The following SPDYA variants were observed in gnomAD, a reference collection of about 807,000 sequenced individuals.
SPDYA encodes speedy protein A.
In SPDYA, 11 loss-of-function variants were observed where a neutral mutation model predicts 36.7. The ratio of observed to expected loss-of-function variants is 0.30; its 90% confidence interval spans 0.19 to 0.50. SPDYA has a LOEUF of 0.50. SPDYA is among the 20% of genes least tolerant of loss of function. The pLI, the probability that SPDYA is intolerant of heterozygous loss-of-function variation, is 0.98. For missense variants in SPDYA, 287 were observed against 370.9 expected, an observed-to-expected ratio of 0.77 and a Z score of 1.86; for synonymous variants, 115 against 118.7, an observed-to-expected ratio of 0.97 and a Z score of 0.20.
chr2:28,825,675 G>C (rs1668299192), intron 5 of SPDYA, among the ~76,000 whole-genome samples: 2 of 151,836 alleles, frequency 1.3e-5, no homozygotes, highest in African/African-American at 4.8e-5. Context: ...TTAATTGTAG[G>C]CTCCTTATGG....
intron 3 of SPDYA, among the ~76,000 whole-genome samples, chr2:28,816,888 A>T (rs1283450350): frequency 1.3e-5 from 2 of 151,790 alleles, no homozygotes; most frequent in African/African-American, 4.8e-5. Flanking sequence ...GTAGGGTAAT[A>T]AGGTAAACAG....
chr2:28,821,186 TTTTTC>T lies in SPDYA; in HGVS notation c.295-1134_295-1130del, dbSNP rs1386134721. On this transcript the variant is annotated intron_variant, in intron 4 of 7. Transcript: ENST00000334056. ...TGTGGAGTTATGATGTGATTTTTTT[TTTTTC>T]TTTTTCTTTTTTTTTTTTTTTTTTT... is the stretch of plus-strand genomic sequence containing the variant. Among the ~76,000 whole-genome samples the T allele has an allele frequency of 2.0e-3, 286 of 144,726 alleles. 1 individual carries two copies. The highest frequency in any genetic ancestry group is 7.0e-3 in the African/African-American group (273 of 39,176). 94.9% of individuals were successfully genotyped at this position (144,726 alleles called of 152,430 possible).
At chr2:28,815,344 CAG>C (rs1189019162) in intron 2 of SPDYA, among the ~76,000 whole-genome samples, 1 of 148,446 alleles carries the variant, frequency 6.7e-6, no homozygotes, top group Admixed American at 6.7e-5. Context: ...AAAAGGAAAA[CAG>C]AAAAGTAAGT....
At chr2:28,816,389 T>C (rs961387699) in intron 3 of SPDYA, 140 bp downstream of exon 3, 60 of 688,906 alleles carry the variant, frequency 8.7e-5, no homozygotes, top group Non-Finnish European at 1.3e-4. Flanking sequence ...AATTTGTTTT[T>C]GTTTTACTTA....
rs796384971 is a variant in SPDYA, at chr2:28,828,135, G to A, written c.381-1013G>A. ...CCAAGTAGCTGGGATTACAGGCGCA[G>A]GCCACCACGCCCAGCTAATGTTTGT... is the stretch of plus-strand genomic sequence containing the variant. On this transcript the variant is annotated intron_variant, in intron 5 of 7. Transcript: ENST00000334056. Among the ~76,000 whole-genome samples the A allele has an allele frequency of 7.6e-4, 115 of 151,848 alleles. 1 individual carries two copies. The highest frequency in any genetic ancestry group is 2.7e-3 in the African/African-American group (110 of 41,436).
intron 7 of SPDYA, among the ~76,000 whole-genome samples, chr2:28,843,985 C>G (rs1466378082): frequency 6.6e-6 from 1 of 152,070 alleles, no homozygotes; most frequent in African/African-American, 2.4e-5. Flanking sequence ...AAAAATATGC[C>G]AAGCTTTAGC....
rs140062820 is a variant in SPDYA at position 28,842,976 on chromosome 2, T to C, written c.850+2507T>C. On this transcript the variant is annotated intron_variant, in intron 7 of 7. Coordinates refer to ENST00000334056, the MANE Select transcript of SPDYA (RefSeq NM_182756.4). The stretch of plus-strand genomic sequence containing the variant: ...TCTGATAGTATGTGGTTGCAAAAAC[T>C]GAATTCAGCATTCTCCAAGAAAGAC... Among the ~76,000 whole-genome samples the C allele has an allele frequency of 1.3e-3, 170 of 134,268 alleles. 1 individual carries two copies. Among genetic ancestry groups the C allele is most frequent in the African/African-American group, 4.5e-3 (159 of 35,496 alleles). 88.1% of individuals were successfully genotyped at this position (134,268 alleles called of 152,430 possible). A position where few individuals can be genotyped will look rare whatever the true frequency, so the allele number is the denominator to read the frequency against.
At chr2:28,835,671 A>C (rs1339206212) in intron 6 of SPDYA, among the ~76,000 whole-genome samples, 1 of 152,266 alleles carries the variant, frequency 6.6e-6, no homozygotes, top group Non-Finnish European at 1.5e-5. Flanking sequence ...ATAGGGAAAC[A>C]ATAAACTATA....
chr2:28,812,244 T>C (rs951659400), intron 1 of SPDYA, among the ~76,000 whole-genome samples: 9 of 152,154 alleles, frequency 5.9e-5, no homozygotes, highest in Admixed American at 5.9e-4. Context: ...TGGCACATAT[T>C]CTCTGTGTGT....
At chr2:28,827,440 A>G (rs1200322111) in intron 5 of SPDYA, among the ~76,000 whole-genome samples, 2 of 152,144 alleles carry the variant, frequency 1.3e-5, no homozygotes, top group African/African-American at 4.8e-5. Flanking sequence ...TACTGGAAAT[A>G]GTTATTCTTA....
chr2:28,821,180 T>TTTC (rs201322824), intron 4 of SPDYA, among the ~76,000 whole-genome samples: 50 of 109,806 alleles, frequency 4.6e-4, no homozygotes, highest in African/African-American at 2.4e-3. Context: ...ATGATGTGAT[T>TTTC]TTTTTTTTTT....
intron 3 of SPDYA, among the ~76,000 whole-genome samples, chr2:28,816,914 A>G (rs1234321535): frequency 1.3e-5 from 2 of 151,918 alleles, no homozygotes; most frequent in East Asian, 1.9e-4. Context: ...AAAAAGGGGT[A>G]GGATAGATGA....
Position 28,830,045 on chromosome 2 carries a change from A to C in SPDYA, c.552+726A>C, listed in dbSNP as rs190848010. Among the ~76,000 whole-genome samples, 329 of 151,442 alleles carry C rather than the reference A, an allele frequency of 2.2e-3. 4 individuals carry two copies. Among genetic ancestry groups the C allele is most frequent in the Admixed American group, 0.015 (234 of 15,196 alleles). The stretch of plus-strand genomic sequence containing the variant: ...TCCCAGCTACTTGGGAGGCTGAGGC[A>C]GGAGAATCACTTAAACCCAGGAGGC... On this transcript the variant is annotated intron_variant, in intron 6 of 7. Transcript: ENST00000334056.
rs1667853917 is a variant in SPDYA at position 28,811,817 on chromosome 2, A to G, written c.-93+870A>G. On this transcript the variant is annotated intron_variant, in intron 1 of 7. Transcript: ENST00000334056. This position sits in a 1 kb window ranked among gnomAD's most constrained non-coding sequence, Gnocchi z 4.2. Reference sequence around the variant, plus strand: ...TAACTTAAAAAAAAAGTATCCTGGCATGGTGGCGGGCGCCTGTAATCCCAG... The same window carrying G: ...TAACTTAAAAAAAAAGTATCCTGGCGTGGTGGCGGGCGCCTGTAATCCCAG... Among the ~76,000 whole-genome samples the G allele has an allele frequency of 6.6e-6, 1 of 151,916 alleles. No individual in the cohort carries two copies. Among genetic ancestry groups the G allele is most frequent in the Non-Finnish European group, 1.5e-5 (1 of 67,976 alleles).
chr2:28,816,241 A>C lies in SPDYA; in HGVS notation c.227A>C (p.Lys76Thr). The stretch of plus-strand genomic sequence containing the variant: ...CGTCAGGATATGACTGCTTTCTTTA[A>C]ATTATTTGGTAGGTTTAAAATATTG... ...IQRQDMTAFF[K>T]LFDDDLIQDF... The change falls in exon 3 of 8, where the codon AAA becomes ACA. Residue 76 changes from lysine to threonine, a missense_variant. Physicochemically the swap from Lys to Thr is moderately conservative, Grantham distance 78. Coordinates refer to ENST00000334056, the MANE Select transcript of SPDYA (RefSeq NM_182756.4). 5.0e-6 allele frequency: 8 copies of C among 1,597,098 alleles called. No homozygotes were observed. Among genetic ancestry groups the C allele is most frequent in the Non-Finnish European group, 6.8e-6 (8 of 1,174,116 alleles).
intron 5 of SPDYA, among the ~76,000 whole-genome samples, chr2:28,824,487 AAAAAC>A (rs1371197776): frequency 6.3e-4 from 63 of 100,732 alleles, no homozygotes; most frequent in African/African-American, 2.4e-3. Context: ...AGAAAAAAAA[AAAAAC>A]AAAAAAAAAA....
At chr2:28,836,147 G>T (rs1418645328) in intron 6 of SPDYA, among the ~76,000 whole-genome samples, 1 of 152,190 alleles carries the variant, frequency 6.6e-6, no homozygotes, top group African/African-American at 2.4e-5. Flanking sequence ...AATAGCTGTG[G>T]GGGTGGTGGC....
Position 28,829,131 on chromosome 2 carries a change from G to C in SPDYA, c.381-17G>C. The C allele has an allele frequency of 6.3e-7, 1 of 1,598,384 alleles. No homozygotes were observed. Among genetic ancestry groups the C allele is most frequent in the South Asian group, 1.1e-5 (1 of 88,776 alleles). Reference sequence around the variant, plus strand: ...CCTTTACCCATTTCTTTTTTGGGTTGTGATCTTCTTTGTTAGGTATCTGGC... The same window carrying C: ...CCTTTACCCATTTCTTTTTTGGGTTCTGATCTTCTTTGTTAGGTATCTGGC... On this transcript the variant is annotated splice_polypyrimidine_tract_variant and intron_variant, in intron 5 of 7. Coordinates refer to ENST00000334056, the MANE Select transcript of SPDYA (RefSeq NM_182756.4).
intron 6 of SPDYA, among the ~76,000 whole-genome samples, chr2:28,833,703 A>T (rs1668527163): frequency 6.6e-6 from 1 of 152,224 alleles, no homozygotes; most frequent in African/African-American, 2.4e-5. Context: ...TTTATACCAT[A>T]TATAAAAATT....
Sources: allele counts gnomAD v4.1 joint callset (sites outside exome capture counted in the v4.1 genomes callset), GRCh38; gene constraint gnomAD v4.1.1; non-coding constraint Gnocchi (gnomAD v3.1); transcripts MANE v1.5; gene names NCBI Gene and HGNC (gene_info 2026-07-23, HGNC 2026-07-21).